Variants in ANKDD1B observed in about 807,000 individuals in gnomAD.
The protein encoded by ANKDD1B is ankyrin repeat and death domain containing 1B.
Under a neutral mutation model 59.7 loss-of-function variants are expected in ANKDD1B, and 57 were observed. That is an observed-to-expected ratio of 0.95 (90% confidence interval 0.77 to 1.19). ANKDD1B has a LOEUF of 1.19. Ranked by LOEUF, ANKDD1B falls within the 50% of genes most tolerant of loss-of-function variation. The probability of loss-of-function intolerance (pLI) is 0.00; values close to 1 mark genes in which losing one functional copy is unlikely to be tolerated. For missense variants in ANKDD1B, 602 were observed against 641.9 expected (o/e 0.94, Z 0.67); for synonymous variants, 216 against 239.5 (o/e 0.90, Z 0.91).
intron 1 of ANKDD1B, among the ~76,000 whole-genome samples, chr5:75,612,354 C>CCCCGCCCCCGCCCTCCGA (rs1773591862): frequency 7.3e-6 from 1 of 136,806 alleles, no homozygotes; most frequent in Admixed American, 7.3e-5. Context: ...CCGCCCTCCG[C>CCCCGCCCCCGCCCTCCGA]CCCGCGTGTA....
Position 75,663,313 on chromosome 5 carries a change from A to G in ANKDD1B, c.1096-81A>G, listed in dbSNP as rs910494873. On this transcript the variant is annotated intron_variant, in intron 10 of 13. Coordinates refer to ENST00000601380, the MANE Select transcript of ANKDD1B (RefSeq NM_001276713.2). Reference sequence around the variant, plus strand: ...ATGGGCTGGTAGAATCAAGATTTGAACCGAGGCCCCCTTGTTCCAAAACTA... The same window carrying G: ...ATGGGCTGGTAGAATCAAGATTTGAGCCGAGGCCCCCTTGTTCCAAAACTA... 7 of 1,051,438 alleles carry G rather than the reference A, an allele frequency of 6.7e-6. No homozygotes were observed. In the African/African-American group the frequency reaches 9.5e-5, roughly 14 times the overall value. The allele number at this position is 1,051,438 out of a possible 1,614,324, so 65.1% of individuals were successfully genotyped here.
intron 1 of ANKDD1B, among the ~76,000 whole-genome samples, chr5:75,616,403 A>G (rs1026135053): frequency 2.0e-5 from 3 of 152,188 alleles, no homozygotes; most frequent in African/African-American, 7.2e-5. Flanking sequence ...AGTTCTGAAG[A>G]CAACAGTTTT....
intron 9 of ANKDD1B, 30 bp from the exon 10 acceptor site, chr5:75,659,253 A>G (rs748242209): frequency 6.7e-7 from 1 of 1,493,196 alleles, no homozygotes; most frequent in South Asian, 1.2e-5. Context: ...TCACCGTCCA[A>G]GTTTGTTCCC....
At chr5:75,659,846 C>A (rs962447358) in intron 10 of ANKDD1B, among the ~76,000 whole-genome samples, 6 of 152,112 alleles carry the variant, frequency 3.9e-5, no homozygotes, top group African/African-American at 1.4e-4. Flanking sequence ...TGATGGCATA[C>A]CTATAACTAG....
chr5:75,616,179 A>G (rs750699465), intron 1 of ANKDD1B, among the ~76,000 whole-genome samples: 1 of 152,154 alleles, frequency 6.6e-6, no homozygotes, highest in Non-Finnish European at 1.5e-5. Flanking sequence ...CAAAAAACTC[A>G]ATAAACCCTG....
intron 5 of ANKDD1B, among the ~76,000 whole-genome samples, chr5:75,628,451 G>T (rs1774048324): frequency 6.6e-6 from 1 of 152,190 alleles, no homozygotes; most frequent in East Asian, 1.9e-4. Flanking sequence ...GAAGCTCAGG[G>T]TCTATTGATT....
intron 3 of ANKDD1B, among the ~76,000 whole-genome samples, chr5:75,624,741 C>T (rs1261866585): frequency 1.3e-5 from 2 of 152,172 alleles, no homozygotes; most frequent in Non-Finnish European, 2.9e-5. Context: ...CTCACATAGT[C>T]ATATCTATAT....
chr5:75,617,443 G>C (rs1773742783), intron 2 of ANKDD1B, among the ~76,000 whole-genome samples: 1 of 152,140 alleles, frequency 6.6e-6, no homozygotes. Context: ...TGTTCTTTAA[G>C]TGCCGGGTTT....
intron 7 of ANKDD1B, among the ~76,000 whole-genome samples, chr5:75,650,008 A>G (rs1398291817): frequency 1.3e-5 from 2 of 152,188 alleles, no homozygotes; most frequent in Admixed American, 1.3e-4. Flanking sequence ...AATGGATAAA[A>G]TAATAGTTAC....
In ANKDD1B at chr5:75,666,893, C is replaced by T; in HGVS notation, c.1293C>T (p.Asp431=). 6.5e-7 allele frequency: 1 copy of T among 1,534,268 alleles called. No homozygotes were observed. Among genetic ancestry groups the T allele is most frequent in the Non-Finnish European group, 8.7e-7 (1 of 1,146,218 alleles). ...ETRHIRTLLW[D]LAYHQLKANE... ...GACACATTCGCACGCTTCTCTGGGA[C>T]CTGGCTTACCATCAGCTGAAGGCCA... is the stretch of plus-strand genomic sequence containing the variant. The change falls in exon 12 of 14, where the codon GAC becomes GAT. Residue 431 remains aspartate, a synonymous_variant. Transcript: ENST00000601380.
chr5:75,640,394 A>C (rs1353463943), intron 7 of ANKDD1B, among the ~76,000 whole-genome samples: 1 of 152,192 alleles, frequency 6.6e-6, no homozygotes. Flanking sequence ...TAACATGTGG[A>C]TAATATTAAC....
intron 7 of ANKDD1B, among the ~76,000 whole-genome samples, chr5:75,641,895 T>A (rs1774475623): frequency 6.6e-6 from 1 of 152,172 alleles, no homozygotes; most frequent in Non-Finnish European, 1.5e-5. Flanking sequence ...AGATAGATGA[T>A]AAAGTTAGCT....
chr5:75,614,801 G>C (rs1382258582), intron 1 of ANKDD1B, among the ~76,000 whole-genome samples: 2 of 152,186 alleles, frequency 1.3e-5, no homozygotes, highest in African/African-American at 2.4e-5. Flanking sequence ...CTACAGTATG[G>C]CTGTGTGTTT....
At chr5:75,612,991 A>C (rs1773611654) in intron 1 of ANKDD1B, among the ~76,000 whole-genome samples, 1 of 152,244 alleles carries the variant, frequency 6.6e-6, no homozygotes, top group African/African-American at 2.4e-5. Context: ...TTGGTTTACC[A>C]GACCTCTAGA....
chr5:75,615,938 C>T (rs1773706477), intron 1 of ANKDD1B, among the ~76,000 whole-genome samples: 1 of 152,078 alleles, frequency 6.6e-6, no homozygotes, highest in African/African-American at 2.4e-5. Context: ...TTGGCAGTAT[C>T]CTGAAAGGTC....
At chr5:75,670,613 C>G (rs1429580515) in intron 13 of ANKDD1B, among the ~76,000 whole-genome samples, 1 of 152,188 alleles carries the variant, frequency 6.6e-6, no homozygotes, top group Non-Finnish European at 1.5e-5. Flanking sequence ...TGAAGAAGTG[C>G]TGGCAGTGAG....
At chr5:75,621,492 G>A (rs1159607579) in intron 3 of ANKDD1B, among the ~76,000 whole-genome samples, 8 of 151,384 alleles carry the variant, frequency 5.3e-5, no homozygotes, top group African/African-American at 1.7e-4. Context: ...TTTAAAATTT[G>A]TGTGGGTATA....
At position 75,670,783 on chromosome 5, in the gene ANKDD1B, GCTGA is replaced by G. The variant is rs530179356; in HGVS notation, c.1526-188_1526-185del. ...TGTGAGCTCACTCTTGAACTCCAAA[GCTGA>G]CTGACTGGTTGTAAACCTCGAGCAA... On this transcript the variant is annotated intron_variant, in intron 13 of 13. Coordinates refer to ENST00000601380, the MANE Select transcript of ANKDD1B (RefSeq NM_001276713.2). Among the ~76,000 whole-genome samples, 7 of 152,324 alleles carry G rather than the reference GCTGA, an allele frequency of 4.6e-5. No individual in the cohort carries two copies. The East Asian group carries it at 1.4e-3, about 29-fold the overall frequency.
intron 7 of ANKDD1B, 22 bp from the exon 8 acceptor site, chr5:75,653,120 C>A: frequency 6.8e-7 from 1 of 1,472,550 alleles, no homozygotes; most frequent in Non-Finnish European, 9.2e-7. Context: ...TTCCTCCTTG[C>A]CCTCTCTATT....
Sources: gnomAD v4.1 joint callset for allele counts (sites outside exome capture counted in the v4.1 genomes callset) on GRCh38, gnomAD v4.1.1 for gene constraint, MANE v1.5 for transcripts, NCBI Gene and HGNC (gene_info 2026-07-23, HGNC 2026-07-21) for gene names.